The following RAB12 variants were observed in gnomAD, a reference collection of about 807,000 sequenced individuals.
RAB12 encodes the protein RAB12, member RAS oncogene family, also known as ras-related protein Rab-12.
Under a neutral mutation model 28.4 loss-of-function variants are expected in RAB12, and 11 were observed. The ratio of observed to expected loss-of-function variants is 0.39; its 90% confidence interval spans 0.24 to 0.64. The LOEUF (loss-of-function observed/expected upper bound fraction) is 0.64, where lower values mean the gene tolerates loss of function less well. Ranked by LOEUF, RAB12 falls within the 30% of genes least tolerant of loss-of-function variation. RAB12 has a pLI of 0.50. For missense variants in RAB12, 276 were observed against 351.1 expected, an observed-to-expected ratio of 0.79 and a Z score of 1.71; for synonymous variants, 138 against 145.3, an observed-to-expected ratio of 0.95 and a Z score of 0.36.
chr18:8,636,410 C>A, intron 5 of RAB12, 53 bp downstream of exon 5: 3 of 1,094,320 alleles, frequency 2.7e-6, no homozygotes, highest in Non-Finnish European at 4.0e-6. Context: ...CCTGTTGTTT[C>A]CTTTATTGCT....
intron 1 of RAB12, among the ~76,000 whole-genome samples, chr18:8,613,829 A>AAGC (rs2096005187): frequency 6.7e-6 from 1 of 148,656 alleles, no homozygotes; most frequent in Admixed American, 6.7e-5. Context: ...CTATAAATAG[A>AAGC]AGTAGTAGTA....
chr18:8,624,707 CAGGAT>C (rs1222844600), intron 1 of RAB12, among the ~76,000 whole-genome samples: 19 of 152,198 alleles, frequency 1.2e-4, no homozygotes, highest in Admixed American at 1.0e-3. Context: ...ACCGATCACT[CAGGAT>C]AAGACATAAC....
At chr18:8,631,888 T>C (rs900657802) in intron 2 of RAB12, among the ~76,000 whole-genome samples, 2 of 152,152 alleles carry the variant, frequency 1.3e-5, no homozygotes, top group Admixed American at 1.3e-4. Context: ...TGGAAAGATA[T>C]TTCATTTGAA....
intron 1 of RAB12, among the ~76,000 whole-genome samples, chr18:8,618,486 C>T (rs1324181163): frequency 1.3e-5 from 2 of 151,672 alleles, no homozygotes; most frequent in Non-Finnish European, 2.9e-5. Context: ...GGTCTACTAG[C>T]AGTGAGTTTG....
chr18:8,626,171 C>G (rs533684794), intron 2 of RAB12, among the ~76,000 whole-genome samples: 32 of 152,342 alleles, frequency 2.1e-4, no homozygotes, highest in Non-Finnish European at 3.8e-4. Context: ...ATAGATATTT[C>G]TTCCTGTGCT....
intron 1 of RAB12, 102 bp from the exon 2 acceptor site, chr18:8,624,835 CT>C: frequency 2.5e-6 from 2 of 808,118 alleles, no homozygotes; most frequent in East Asian, 2.5e-5. Context: ...GTGGGGTTTT[CT>C]TTTTTTCTGA....
chr18:8,622,652 C>G (rs1240985247), intron 1 of RAB12, among the ~76,000 whole-genome samples: 2 of 152,196 alleles, frequency 1.3e-5, no homozygotes, highest in Non-Finnish European at 2.9e-5. Flanking sequence ...GCACCATTGT[C>G]ATTGATAACA....
intron 1 of RAB12, among the ~76,000 whole-genome samples, chr18:8,624,672 T>C (rs1416297687): frequency 6.6e-6 from 1 of 152,210 alleles, no homozygotes; most frequent in Admixed American, 6.5e-5. Context: ...TAGTTATAAG[T>C]TGTGTTATGA....
chr18:8,632,840 A>C, intron 2 of RAB12: 1 of 229,406 alleles, frequency 4.4e-6, no homozygotes, highest in Non-Finnish European at 8.3e-6. Flanking sequence ...CCCCCATTTT[A>C]TTTTAGGAAA....
In RAB12 at chr18:8,609,585, C is replaced by T. The variant is rs939583827; in HGVS notation, c.146C>T (p.Pro49Leu). The part of the protein sequence containing the change: ...AQLQRGAHGP[P>L]GPLQRAEAEP... ...TTGCAGCGCGGAGCCCACGGGCCGC[C>T]GGGGCCGCTCCAGCGGGCGGAAGCC... The change falls in exon 1 of 6, where the codon CCG becomes CTG. Residue 49 changes from proline to leucine, a missense_variant. By Grantham distance (98) the Pro-to-Leu change is moderately conservative. Coordinates refer to ENST00000649141, the MANE Select transcript of RAB12 (RefSeq NM_001025300.3). 8 of 216,236 alleles carry T rather than the reference C, an allele frequency of 3.7e-5. No individual in the cohort carries two copies. The highest frequency in any genetic ancestry group is 6.2e-5 in the Non-Finnish European group (8 of 128,962). 13.4% of individuals were successfully genotyped at this position (216,236 alleles called of 1,614,324 possible).
At chr18:8,610,455 CTACAGTAAGT>C (rs2096003151) in intron 1 of RAB12, among the ~76,000 whole-genome samples, 1 of 152,226 alleles carries the variant, frequency 6.6e-6, no homozygotes, top group Non-Finnish European at 1.5e-5. Flanking sequence ...AAAACTAAAA[CTACAGTAAGT>C]TTCTCGTGCT....
At chr18:8,633,014 A>G in intron 2 of RAB12, 175 bp from the exon 3 acceptor site, 1 of 665,108 alleles carries the variant, frequency 1.5e-6, no homozygotes, top group South Asian at 1.9e-5. Flanking sequence ...AGTTTTAGTC[A>G]ACCTAAATTT....
At chr18:8,633,896 G>C (rs1299177226) in intron 3 of RAB12, among the ~76,000 whole-genome samples, 1 of 152,176 alleles carries the variant, frequency 6.6e-6, no homozygotes, top group Non-Finnish European at 1.5e-5. Flanking sequence ...TAAGAAACAT[G>C]TTCCCAAATA....
chr18:8,619,001 A>G (rs2096008281), intron 1 of RAB12, among the ~76,000 whole-genome samples: 2 of 152,278 alleles, frequency 1.3e-5, no homozygotes, highest in Middle Eastern at 3.4e-3. Context: ...TTACAATCCA[A>G]TCCCTTAGTA....
chr18:8,638,416 G>T lies in RAB12; in HGVS notation c.*154G>T. On this transcript the variant is annotated 3_prime_UTR_variant, in exon 6 of 6. Coordinates refer to ENST00000649141, the MANE Select transcript of RAB12 (RefSeq NM_001025300.3). ...GTAAATATGCATATATGCAATCCTG[G>T]GTAAGTTTTGGTTATAAGTTACCTA... 1 of 592,876 alleles carries T rather than the reference G, an allele frequency of 1.7e-6. No individual in the cohort carries two copies. The allele number at this position is 592,876 out of a possible 1,614,324, so 36.7% of individuals were successfully genotyped here.
rs974386536 is a variant in RAB12, at chr18:8,631,172, G to A, written c.576-2017G>A. Reference sequence around the variant, plus strand: ...CACAAATTGCTGGGATTACAGGCATGAGCCACTGCGCCCGGCCTAACAAGG... The same window carrying A: ...CACAAATTGCTGGGATTACAGGCATAAGCCACTGCGCCCGGCCTAACAAGG... On this transcript the variant is annotated intron_variant, in intron 2 of 5. Transcript: ENST00000649141. 2.6e-5 allele frequency among the ~76,000 whole-genome samples: 4 copies of A among 152,352 alleles called. No homozygotes were observed. In the South Asian group the frequency reaches 8.3e-4, roughly 32 times the overall value.
chr18:8,631,032 G>A (rs2096015674), intron 2 of RAB12, among the ~76,000 whole-genome samples: 1 of 152,216 alleles, frequency 6.6e-6, no homozygotes, highest in South Asian at 2.1e-4. Context: ...GAGATTACAG[G>A]CATCTGCCAT....
intron 1 of RAB12, among the ~76,000 whole-genome samples, chr18:8,618,101 C>T (rs957768190): frequency 6.6e-6 from 1 of 152,070 alleles, no homozygotes; most frequent in African/African-American, 2.4e-5. Flanking sequence ...CCTTGGAGGC[C>T]CAGGACCTCC....
In RAB12 at chr18:8,639,024, G is replaced by A. The variant is rs1343696008; in HGVS notation, c.*762G>A. ...AAATCCTGTTTAAAGGAATTTTAAA[G>A]AGATGCATTTTACTATATCAAAGAA... On this transcript the variant is annotated 3_prime_UTR_variant, in exon 6 of 6. Transcript: ENST00000649141. 1 of 152,106 alleles carries A rather than the reference G, an allele frequency of 6.6e-6. No individual in the cohort carries two copies. The highest frequency in any genetic ancestry group is 2.4e-5 in the African/African-American group (1 of 41,410). 9.4% of individuals were successfully genotyped at this position (152,106 alleles called of 1,614,324 possible).
Sources: gnomAD v4.1 joint callset for allele counts (sites outside exome capture counted in the v4.1 genomes callset) on GRCh38, gnomAD v4.1.1 for gene constraint, MANE v1.5 for transcripts, NCBI Gene and HGNC (gene_info 2026-07-23, HGNC 2026-07-21) for gene names.